The following MRPS27 variants were observed in gnomAD, a reference collection of about 807,000 sequenced individuals.
MRPS27 encodes mitochondrial ribosomal protein S27, also known as small ribosomal subunit protein mS27.
Under a neutral mutation model 48.9 loss-of-function variants are expected in MRPS27, and 43 were observed. That is an observed-to-expected ratio of 0.88 (90% confidence interval 0.69 to 1.13). The LOEUF is 1.13. Ranked by LOEUF, MRPS27 falls within the 50% of genes most tolerant of loss-of-function variation. The pLI, the probability that MRPS27 is intolerant of heterozygous loss-of-function variation, is 0.00. For synonymous variants in MRPS27, 188 were observed against 171.9 expected, an observed-to-expected ratio of 1.09 and a Z score of -0.73; for missense variants, 467 against 476.3, an observed-to-expected ratio of 0.98 and a Z score of 0.18.
chr5:72,260,886 G>C (rs2112000836), intron 4 of MRPS27, among the ~76,000 whole-genome samples: 1 of 152,270 alleles, frequency 6.6e-6, no homozygotes, highest in East Asian at 1.9e-4. Flanking sequence ...TTGTTTTTGA[G>C]ACAGTCTTGC....
chr5:72,242,368 C>T (rs1748374561), intron 4 of MRPS27, among the ~76,000 whole-genome samples: 1 of 140,996 alleles, frequency 7.1e-6, no homozygotes, highest in South Asian at 2.4e-4. Flanking sequence ...GAGTGAAAGT[C>T]TTGGATATCA....
intron 4 of MRPS27, among the ~76,000 whole-genome samples, chr5:72,242,497 C>T (rs550133479): frequency 7.2e-4 from 107 of 148,804 alleles, no homozygotes; most frequent in Admixed American, 5.9e-3. Context: ...GTGTAAAAGT[C>T]GCATGGGATT....
intron 1 of MRPS27, 85 bp downstream of exon 1, chr5:72,320,064 A>G (rs1750709755): frequency 4.2e-6 from 6 of 1,414,804 alleles, no homozygotes; most frequent in Middle Eastern, 1.8e-4. Context: ...GATTCCAGAA[A>G]CGTTTCCTCT....
intron 9 of MRPS27, 95 bp from the exon 10 acceptor site, chr5:72,223,945 A>G: frequency 8.3e-7 from 1 of 1,203,180 alleles, no homozygotes; most frequent in Non-Finnish European, 1.2e-6. Context: ...AGGAAGAATG[A>G]GCTCTAAAAG....
chr5:72,228,430 G>C (rs1747957379), intron 7 of MRPS27, 62 bp from the exon 8 acceptor site: 13 of 1,075,034 alleles, frequency 1.2e-5, no homozygotes, highest in Non-Finnish European at 1.8e-5. Context: ...ACAAAAATGT[G>C]ACTTTCAATG....
At chr5:72,304,413 G>A (rs905382328) in intron 2 of MRPS27, among the ~76,000 whole-genome samples, 3 of 152,118 alleles carry the variant, frequency 2.0e-5, no homozygotes, top group Non-Finnish European at 4.4e-5. Context: ...GATAATGATT[G>A]TCAGATTGGT....
intron 4 of MRPS27, among the ~76,000 whole-genome samples, chr5:72,268,383 A>T (rs1580084280): frequency 6.6e-6 from 1 of 152,150 alleles, no homozygotes; most frequent in African/African-American, 2.4e-5. Context: ...TCTTTGCTAC[A>T]CAAATGTTTC....
intron 8 of MRPS27, 61 bp from the exon 9 acceptor site, chr5:72,226,260 G>A (rs758207435): frequency 3.1e-6 from 5 of 1,594,032 alleles, no homozygotes; most frequent in South Asian, 1.1e-5. Context: ...TTCTAAGACT[G>A]AGGACCTGAA....
intron 7 of MRPS27, among the ~76,000 whole-genome samples, chr5:72,232,104 T>C (rs1328734555): frequency 6.6e-6 from 1 of 152,198 alleles, no homozygotes; most frequent in Non-Finnish European, 1.5e-5. Flanking sequence ...TAGTATTTAA[T>C]ATCCCAGGTA....
intron 4 of MRPS27, among the ~76,000 whole-genome samples, chr5:72,272,165 T>C (rs1354717865): frequency 2.0e-5 from 3 of 152,208 alleles, no homozygotes; most frequent in Admixed American, 6.5e-5. Context: ...TGGGATACTT[T>C]AGGTCTGCGG....
At chr5:72,262,162 G>C (rs994492479) in intron 4 of MRPS27, among the ~76,000 whole-genome samples, 2 of 152,098 alleles carry the variant, frequency 1.3e-5, no homozygotes, top group African/African-American at 4.8e-5. Context: ...CGAGCTATTT[G>C]CTAGCTAGCT....
At chr5:72,300,079 G>C (rs190334977) in intron 2 of MRPS27, among the ~76,000 whole-genome samples, 47 of 152,302 alleles carry the variant, frequency 3.1e-4, no homozygotes, top group Admixed American at 2.1e-3. Flanking sequence ...CTTAGATACA[G>C]CTGTTACTAC....
At chr5:72,307,863 C>A (rs966843126) in intron 2 of MRPS27, 1 of 152,130 alleles carries the variant, frequency 6.6e-6, no homozygotes, top group African/African-American at 2.4e-5. Context: ...ATATTATACT[C>A]CAATAAAAAA....
intron 5 of MRPS27, among the ~76,000 whole-genome samples, chr5:72,236,490 C>T (rs2111958238): frequency 6.6e-6 from 1 of 152,220 alleles, no homozygotes; most frequent in Admixed American, 6.5e-5. Flanking sequence ...CTAGACCCTC[C>T]TAGTTTTGCT....
intron 4 of MRPS27, among the ~76,000 whole-genome samples, chr5:72,258,068 A>C (rs1341524951): frequency 7.1e-6 from 1 of 140,388 alleles, no homozygotes; most frequent in Non-Finnish European, 1.5e-5. Context: ...TGGACAACAG[A>C]GCGAGACTCT....
chr5:72,233,545 C>A lies in MRPS27; in HGVS notation c.475+574G>T, dbSNP rs115474247. 3.7e-3 allele frequency among the ~76,000 whole-genome samples: 569 copies of A among 152,074 alleles called. 1 individual carries two copies. The highest frequency in any genetic ancestry group is 0.013 in the African/African-American group (552 of 41,478). On this transcript the variant is annotated intron_variant, in intron 6 of 10. Transcript: ENST00000261413. ...AGCACTGATTTGCAGCTGTTCCTAC[C>A]CAGCTGGTTTTGCACATGTCATGGT...
chr5:72,292,661 G>A (rs1173864323), intron 4 of MRPS27, among the ~76,000 whole-genome samples: 1 of 152,144 alleles, frequency 6.6e-6, no homozygotes, highest in Non-Finnish European at 1.5e-5. Flanking sequence ...ATCATTCAAG[G>A]TTTCTAAACT....
chr5:72,299,000 A>G (rs1422685565), intron 2 of MRPS27, among the ~76,000 whole-genome samples: 1 of 152,150 alleles, frequency 6.6e-6, no homozygotes, highest in Non-Finnish European at 1.5e-5. Flanking sequence ...CCATTATCCT[A>G]AGTAAATTAA....
intron 1 of MRPS27, among the ~76,000 whole-genome samples, chr5:72,315,777 A>G (rs1750550268): frequency 6.6e-6 from 1 of 152,178 alleles, no homozygotes; most frequent in South Asian, 2.1e-4. Context: ...ACCTTACTGG[A>G]GAGAACATAA....
Sources: gnomAD v4.1 joint callset for allele counts (sites outside exome capture counted in the v4.1 genomes callset) on GRCh38, gnomAD v4.1.1 for gene constraint, MANE v1.5 for transcripts, NCBI Gene and HGNC (gene_info 2026-07-23, HGNC 2026-07-21) for gene names.